Variants in AKAP8L observed in about 807,000 individuals in gnomAD.
AKAP8L encodes A-kinase anchoring protein 8 like.
Under a neutral mutation model 77.5 loss-of-function variants are expected in AKAP8L, and 34 were observed. The observed-to-expected ratio is 0.44, with a 90% CI of 0.33 to 0.58. AKAP8L has a LOEUF of 0.58. AKAP8L is among the 20% of genes least tolerant of loss of function. The probability of loss-of-function intolerance (pLI) is 0.02; values close to 1 mark genes in which losing one functional copy is unlikely to be tolerated. For synonymous variants in AKAP8L, 342 were observed against 340.7 expected, an observed-to-expected ratio of 1.00 and a Z score of -0.04; for missense variants, 806 against 887.6, an observed-to-expected ratio of 0.91 and a Z score of 1.17.
At chr19:15,395,124 G>C (rs1292237779) in intron 12 of AKAP8L, among the ~76,000 whole-genome samples, 6 of 151,974 alleles carry the variant, frequency 3.9e-5, no homozygotes, top group Admixed American at 3.9e-4. Flanking sequence ...CTGCCTCCTG[G>C]GTTCACGCCA....
chr19:15,405,486 C>A (rs1052034565), intron 2 of AKAP8L, among the ~76,000 whole-genome samples: 1 of 151,300 alleles, frequency 6.6e-6, no homozygotes, highest in African/African-American at 2.4e-5. Context: ...GGTGAGATCG[C>A]GCCACTGCAC....
In AKAP8L at chr19:15,398,032, A is replaced by G; in HGVS notation, c.1158-177T>C. The G allele has an allele frequency of 2.8e-6, 2 of 704,664 alleles. No homozygotes were observed. The highest frequency in any genetic ancestry group is 3.8e-5 in the South Asian group (2 of 52,670). The allele number at this position is 704,664 out of a possible 1,614,324, so 43.7% of individuals were successfully genotyped here. A position where few individuals can be genotyped will look rare whatever the true frequency, so the allele number is the denominator to read the frequency against. On this transcript the variant is annotated intron_variant, in intron 9 of 13. Transcript: ENST00000397410. This position sits in a 1 kb window ranked among gnomAD's most constrained non-coding sequence, Gnocchi z 9.2. Reference sequence around the variant, plus strand: ...GGGTCGGGAGTAGAAAGGGCCAGAAAGTCTGCAGGCTGCAGTTACTGCAAC... The same window carrying G: ...GGGTCGGGAGTAGAAAGGGCCAGAAGGTCTGCAGGCTGCAGTTACTGCAAC...
At position 15,399,509 on chromosome 19, in the gene AKAP8L, T is replaced by G. The variant is rs1375393012; in HGVS notation, c.1049-99A>C. On this transcript the variant is annotated intron_variant, in intron 8 of 13. Transcript: ENST00000397410. The surrounding 1 kb of genome is among the most constrained non-coding windows in gnomAD (Gnocchi z 6.1). ...ATCACCCACTGTCCACTCCAGAGGG[T>G]CCATCGAGAATAGCTGTCCAAGCAA... The G allele has an allele frequency of 1.1e-6, 1 of 879,640 alleles. No individual in the cohort carries two copies. The highest frequency in any genetic ancestry group is 1.9e-6 in the Non-Finnish European group (1 of 527,516). The allele number at this position is 879,640 out of a possible 1,614,324, so 54.5% of individuals were successfully genotyped here. A position where few individuals can be genotyped will look rare whatever the true frequency, so the allele number is the denominator to read the frequency against.
chr19:15,415,713 C>T (rs985251929), intron 1 of AKAP8L, among the ~76,000 whole-genome samples: 2 of 151,912 alleles, frequency 1.3e-5, no homozygotes, highest in South Asian at 2.1e-4. Context: ...GGTGAAACCC[C>T]GTCTCTACTA....
At chr19:15,410,420 TA>T in intron 2 of AKAP8L, 99 bp downstream of exon 2, 1 of 1,049,456 alleles carries the variant, frequency 9.5e-7, no homozygotes, top group Non-Finnish European at 1.4e-6. Context: ...AGTTTAGGTT[TA>T]AAAAAGCATG....
In AKAP8L at chr19:15,399,311, A is replaced by T. The variant is rs1967841212; in HGVS notation, c.1148T>A (p.Met383Lys). 1.2e-6 allele frequency: 2 copies of T among 1,613,712 alleles called. No homozygotes were observed. The highest frequency in any genetic ancestry group is 1.1e-5 in the South Asian group (1 of 91,060). ...DKQKKRQRDR[M>K]VERIQFVCSL... ...GAGGGAAGCTGGTTACCTTTCCACC[A>T]TGCGGTCTCGCTGCCGCTTTTTCTG... The change falls in exon 9 of 14, where the codon ATG becomes AAG. Residue 383 changes from methionine (M) to lysine (K), a missense_variant. Met to Lys is a moderately conservative substitution (Grantham distance 95). Coordinates refer to ENST00000397410, the MANE Select transcript of AKAP8L (RefSeq NM_014371.4). This position sits in a 1 kb window ranked among gnomAD's most constrained non-coding sequence, Gnocchi z 6.1.
Position 15,403,751 on chromosome 19 carries a change from G to C in AKAP8L, c.122-36C>G, listed in dbSNP as rs1347167775. On this transcript the variant is annotated intron_variant, in intron 3 of 13. Coordinates refer to ENST00000397410, the MANE Select transcript of AKAP8L (RefSeq NM_014371.4). This position sits in a 1 kb window ranked among gnomAD's most constrained non-coding sequence, Gnocchi z 4.3. Reference sequence around the variant, plus strand: ...GGAGACAGAGACAGACAGATGGTGGGGGCAGGCAGAGGGGAGGCAGACAGA... The same window carrying C: ...GGAGACAGAGACAGACAGATGGTGGCGGCAGGCAGAGGGGAGGCAGACAGA... The C allele has an allele frequency of 1.3e-6, 2 of 1,510,992 alleles. No homozygotes were observed. 93.6% of individuals were successfully genotyped at this position (1,510,992 alleles called of 1,614,324 possible). A position where few individuals can be genotyped will look rare whatever the true frequency, so the allele number is the denominator to read the frequency against.
chr19:15,394,890 T>C (rs1967736885), intron 12 of AKAP8L, among the ~76,000 whole-genome samples: 1 of 152,196 alleles, frequency 6.6e-6, no homozygotes, highest in Admixed American at 6.5e-5. Context: ...CAATGACTTC[T>C]GGTGCCTTCT....
intron 1 of AKAP8L, among the ~76,000 whole-genome samples, chr19:15,417,919 T>A (rs1486292129): frequency 1.3e-5 from 2 of 152,202 alleles, no homozygotes; most frequent in Non-Finnish European, 2.9e-5. Flanking sequence ...CCCAAGCATA[T>A]TGCGGGGGGC....
chr19:15,418,776 C>A, intron 1 of AKAP8L, 135 bp downstream of exon 1: 1 of 840,294 alleles, frequency 1.2e-6, no homozygotes, highest in Non-Finnish European at 1.9e-6. Context: ...AGGCGACGGG[C>A]CAGCGGCGCC....
chr19:15,397,829 T>C lies in AKAP8L; in HGVS notation c.1184A>G (p.Lys395Arg). ...CTCGTCCTCATAGAAGGTCCGGTAT[T>C]TGCACAGAGAACACACAAACTGGAT... ...ERIQFVCSLC[K>R]YRTFYEDEMA... Residue 395 changes from lysine to arginine, a missense_variant, in exon 10 of 14, where the codon AAA (lysine) becomes AGA (arginine). Coordinates refer to ENST00000397410, the MANE Select transcript of AKAP8L (RefSeq NM_014371.4). The surrounding 1 kb of genome is among the most constrained non-coding windows in gnomAD (Gnocchi z 4.7). The C allele has an allele frequency of 6.2e-7, 1 of 1,613,872 alleles. No individual in the cohort carries two copies. The highest frequency in any genetic ancestry group is 8.5e-7 in the Non-Finnish European group (1 of 1,179,830).
At chr19:15,388,398 T>C (rs1022904842) in intron 12 of AKAP8L, among the ~76,000 whole-genome samples, 2 of 152,112 alleles carry the variant, frequency 1.3e-5, no homozygotes, top group African/African-American at 2.4e-5. Flanking sequence ...AAACTTCCTG[T>C]GACAGTGAAC....
intron 12 of AKAP8L, among the ~76,000 whole-genome samples, chr19:15,386,982 C>T (rs1967552378): frequency 6.6e-6 from 1 of 152,144 alleles, no homozygotes; most frequent in Admixed American, 6.6e-5. Flanking sequence ...TCTCATCCCG[C>T]CCCCAGCTAC....
chr19:15,400,182 G>A, intron 8 of AKAP8L, 113 bp downstream of exon 8: 2 of 1,099,300 alleles, frequency 1.8e-6, no homozygotes, highest in Non-Finnish European at 2.8e-6. Flanking sequence ...GGGCCCACAA[G>A]GGAGGTCCCC....
intron 1 of AKAP8L, among the ~76,000 whole-genome samples, chr19:15,413,413 G>C (rs968176464): frequency 6.6e-6 from 1 of 152,148 alleles, no homozygotes; most frequent in Non-Finnish European, 1.5e-5. Context: ...TTCCAAAGAC[G>C]GAGCTGTGAA....
At chr19:15,386,437 A>C (rs1382376477) in intron 12 of AKAP8L, among the ~76,000 whole-genome samples, 1 of 152,180 alleles carries the variant, frequency 6.6e-6, no homozygotes, top group Non-Finnish European at 1.5e-5. Flanking sequence ...TCCTAAGGAC[A>C]TACAGCCCTA....
intron 1 of AKAP8L, among the ~76,000 whole-genome samples, 185 bp downstream of exon 1, chr19:15,418,726 C>G (rs980287720): frequency 2.0e-5 from 3 of 152,206 alleles, no homozygotes; most frequent in East Asian, 1.9e-4. Flanking sequence ...GCTGCAGACA[C>G]AGAGAGCTGA....
intron 12 of AKAP8L, among the ~76,000 whole-genome samples, chr19:15,384,781 A>G (rs567462883): frequency 3.9e-5 from 6 of 152,302 alleles, no homozygotes; most frequent in African/African-American, 9.6e-5. Flanking sequence ...TTCTAAGAAC[A>G]TTTTGCTGGG....
At position 15,399,394 on chromosome 19, in the gene AKAP8L, C is replaced by A. The variant is rs1358454227; in HGVS notation, c.1065G>T (p.Gln355His). 2 of 1,613,880 alleles carry A rather than the reference C, an allele frequency of 1.2e-6. No individual in the cohort carries two copies. The highest frequency in any genetic ancestry group is 1.7e-6 in the Non-Finnish European group (2 of 1,179,844). The change falls in exon 9 of 14, where the codon CAG (glutamine) becomes CAT (histidine). Residue 355 changes from glutamine (Q) to histidine (H), a missense_variant. Transcript: ENST00000397410. This position sits in a 1 kb window ranked among gnomAD's most constrained non-coding sequence, Gnocchi z 6.1. ...TGCGCTTGGTCTGGCCATTTTCATC[C>A]TGGGTGGTTAGGGCCCCTGTGGGAG... is the stretch of plus-strand genomic sequence containing the variant. ...EDPEKGALTTQDENGQTKRKL... is the reference protein window; with the variant it reads ...EDPEKGALTTHDENGQTKRKL...
Sources: allele counts gnomAD v4.1 joint callset (sites outside exome capture counted in the v4.1 genomes callset), GRCh38; gene constraint gnomAD v4.1.1; non-coding constraint Gnocchi (gnomAD v3.1); transcripts MANE v1.5; gene names NCBI Gene and HGNC (gene_info 2026-07-23, HGNC 2026-07-21).